The following SWI5 variants were observed in gnomAD, a reference collection of about 807,000 sequenced individuals.
SWI5 encodes the protein SWI5 homologous recombination repair protein.
Under a neutral mutation model 17.0 loss-of-function variants are expected in SWI5, and 12 were observed. The ratio of observed to expected loss-of-function variants is 0.71; its 90% confidence interval spans 0.45 to 1.14. The LOEUF (loss-of-function observed/expected upper bound fraction) is 1.14, where lower values mean the gene tolerates loss of function less well. SWI5 is among the 50% of genes most tolerant of loss of function. SWI5 has a pLI of 0.00. For synonymous variants in SWI5, 61 were observed against 64.0 expected, an observed-to-expected ratio of 0.95 and a Z score of 0.22; for missense variants, 158 against 162.2, an observed-to-expected ratio of 0.97 and a Z score of 0.14.
Position 128,282,840 on chromosome 9 carries a change from C to G in SWI5, c.112-1670C>G, listed in dbSNP as rs1165990241. Among the ~76,000 whole-genome samples, 4 of 152,294 alleles carry G rather than the reference C, an allele frequency of 2.6e-5. No individual in the cohort carries two copies. The East Asian group carries it at 7.7e-4, about 29-fold the overall frequency. On this transcript the variant is annotated intron_variant, in intron 2 of 4. Coordinates refer to ENST00000418976, the Ensembl canonical transcript of SWI5. ...TCACAGCTTCTACAGGCAGAAAGGGCAAAGATGAAAGCCCCAAGGAAGGGT... is the reference window on the plus strand; with the variant it reads ...TCACAGCTTCTACAGGCAGAAAGGGGAAAGATGAAAGCCCCAAGGAAGGGT...
chr9:128,288,841 G>C, exon 5 of SWI5: 1 of 1,095,866 alleles, frequency 9.1e-7, no homozygotes, highest in Non-Finnish European at 1.4e-6. Flanking sequence ...CACTTTTCTA[G>C]AGAGCCCAAG....
chr9:128,286,365 T>C, intron 4 of SWI5: 1 of 256,214 alleles, frequency 3.9e-6, no homozygotes, highest in Non-Finnish European at 7.6e-6. Context: ...AGTGGCTAGC[T>C]TGCTAAAGAG....
chr9:128,276,203 C>T (rs61136271), upstream of SWI5: 18,327 of 1,605,532 alleles, frequency 0.011, 1,726 homozygotes, highest in African/African-American at 0.21. Flanking sequence ...CGCACGCAAC[C>T]GCTGTCCCCG....
chr9:128,284,956 TAAA>T (rs570065202), intron 3 of SWI5, among the ~76,000 whole-genome samples: 7 of 84,962 alleles, frequency 8.2e-5, no homozygotes, highest in East Asian at 3.9e-4. Flanking sequence ...AATCTGTCTT[TAAA>T]AAAAAAAAAA....
chr9:128,276,131 G>A, upstream of SWI5: 2 of 1,565,494 alleles, frequency 1.3e-6, no homozygotes, highest in South Asian at 1.2e-5. Context: ...ATATGAAGCG[G>A]AAGGGGGCGT....
chr9:128,288,876 G>A (rs1053673), exon 5 of SWI5: 4 of 731,350 alleles, frequency 5.5e-6, no homozygotes, highest in Non-Finnish European at 9.0e-6. Context: ...GGCTAGAGAA[G>A]AGGCGGGCAG....
chr9:128,276,280 C>T (rs1407340813), exon 1 of SWI5: 2 of 1,612,768 alleles, frequency 1.2e-6, no homozygotes, highest in Non-Finnish European at 1.7e-6. Flanking sequence ...TGCGCCAGTT[C>T]ACACTCCGGG....
rs200812021 is a variant in SWI5 at position 128,276,323 on chromosome 9, C to A, written c.-18C>A. 834 of 1,613,094 alleles carry A rather than the reference C, an allele frequency of 5.2e-4. No individual in the cohort carries two copies. Among genetic ancestry groups the A allele is most frequent in the Non-Finnish European group, 6.7e-4 (795 of 1,179,656 alleles). On this transcript the variant is annotated 5_prime_UTR_variant, in exon 1 of 5. Coordinates refer to ENST00000418976, the Ensembl canonical transcript of SWI5. ...TCCTGGCCCGGTGCACCTGAGAGGT[C>A]GCTCTCCGACTCCCGCGCTGGACCC...
At chr9:128,278,712 A>G (rs948811974) in intron 2 of SWI5, 3 of 470,922 alleles carry the variant, frequency 6.4e-6, no homozygotes, top group Admixed American at 2.4e-5. Flanking sequence ...AGAGATGAAT[A>G]TAGCCAGGAC....
At chr9:128,279,438 G>A (rs1395933470) in intron 2 of SWI5, among the ~76,000 whole-genome samples, 1 of 152,166 alleles carries the variant, frequency 6.6e-6, no homozygotes, top group Non-Finnish European at 1.5e-5. Context: ...AGGAAGGTGA[G>A]TCGTCCAAGT....
intron 2 of SWI5, among the ~76,000 whole-genome samples, chr9:128,279,238 G>C (rs753713819): frequency 6.6e-6 from 1 of 152,150 alleles, no homozygotes; most frequent in Non-Finnish European, 1.5e-5. Flanking sequence ...CCAGCCCTAC[G>C]GGGCTTGGTG....
chr9:128,287,919 C>T (rs1349987278), intron 4 of SWI5, among the ~76,000 whole-genome samples: 2 of 152,086 alleles, frequency 1.3e-5, no homozygotes, highest in African/African-American at 4.8e-5. Flanking sequence ...CAGCACTCTA[C>T]AGAGTGCTGA....
intron 2 of SWI5, among the ~76,000 whole-genome samples, chr9:128,277,948 C>CTTTTTT (rs71381748): frequency 1.2e-5 from 1 of 80,870 alleles, no homozygotes; most frequent in African/African-American, 4.2e-5. Flanking sequence ...CATTCCTTCT[C>CTTTTTT]TTTTTTTTTT....
At chr9:128,280,477 A>G (rs1831515768) in intron 2 of SWI5, among the ~76,000 whole-genome samples, 1 of 151,292 alleles carries the variant, frequency 6.6e-6, no homozygotes, top group African/African-American at 2.4e-5. Flanking sequence ...TCTCCTTTCT[A>G]ATAGCACTAC....
intron 2 of SWI5, 25 bp from the exon 3 acceptor site, chr9:128,284,485 G>T: frequency 1.2e-6 from 2 of 1,609,712 alleles, no homozygotes; most frequent in Admixed American, 3.3e-5. Context: ...GGTCAGTCTG[G>T]CTGATGACTT....
chr9:128,284,531 C>A (rs772022999), exon 3 of SWI5: 3 of 1,613,686 alleles, frequency 1.9e-6, no homozygotes, highest in Non-Finnish European at 2.5e-6. Context: ...CAAGTCTGGC[C>A]AGGCTGATGG....
rs369806320 is a variant in SWI5 at position 128,277,314 on chromosome 9, G to C, written c.111+559G>C. Reference sequence around the variant, plus strand: ...CACCTGTAATCCCAGCACTTTGGGAGGCTGAGGCGGGCAGATCATTTGAGG... The same window carrying C: ...CACCTGTAATCCCAGCACTTTGGGACGCTGAGGCGGGCAGATCATTTGAGG... On this transcript the variant is annotated intron_variant, in intron 2 of 4. Transcript: ENST00000418976. Among the ~76,000 whole-genome samples the C allele has an allele frequency of 2.6e-3, 399 of 152,262 alleles. 2 individuals carry two copies. The highest frequency in any genetic ancestry group is 9.2e-3 in the African/African-American group (381 of 41,534).
At chr9:128,284,158 G>A (rs934078479) in intron 2 of SWI5, among the ~76,000 whole-genome samples, 6 of 151,598 alleles carry the variant, frequency 4.0e-5, no homozygotes, top group South Asian at 2.1e-4. Context: ...GCATGGTGGC[G>A]CATGCCTGTA....
upstream of SWI5, chr9:128,275,438 A>AG (rs1831262870): frequency 7.7e-7 from 1 of 1,301,536 alleles, no homozygotes; most frequent in Admixed American, 3.9e-5. Flanking sequence ...GCCAGGACCC[A>AG]GGTCCTTGGA....
Sources: allele counts gnomAD v4.1 joint callset (sites outside exome capture counted in the v4.1 genomes callset), GRCh38; gene constraint gnomAD v4.1.1; transcripts MANE v1.5; gene names NCBI Gene and HGNC (gene_info 2026-07-23, HGNC 2026-07-21).